EXOC1: variants seen among roughly 807,000 people sequenced by gnomAD.
EXOC1 encodes SEC3-like 1.
EXOC1 carries 67 observed loss-of-function variants against 107.7 expected under a neutral mutation model. The ratio of observed to expected loss-of-function variants is 0.62; its 90% CI spans 0.51 to 0.76. EXOC1 has a LOEUF of 0.76. EXOC1 is among the 30% of genes least tolerant of loss of function. EXOC1 has a pLI of 0.00. For missense variants in EXOC1, 833 were observed against 1,055.7 expected, an observed-to-expected ratio of 0.79 and a Z score of 2.92; for synonymous variants, 348 against 353.5, an observed-to-expected ratio of 0.98 and a Z score of 0.17.
rs1463817957 is a variant in EXOC1 at position 55,903,279 on chromosome 4, A to G, written c.2532+741A>G. On this transcript the variant is annotated intron_variant, in intron 18 of 18. Transcript: ENST00000381295. ...GTAGTGGAGCCAGATTTAAAGTCCA[A>G]ATTAGGCCATTATTCTTTATAAACC... is the stretch of plus-strand genomic sequence containing the variant. 2.0e-5 allele frequency among the ~76,000 whole-genome samples: 3 copies of G among 152,262 alleles called. No homozygotes were observed. The East Asian group carries it at 5.8e-4, about 29-fold the overall frequency.
chr4:55,871,366 C>G, intron 7 of EXOC1, 133 bp downstream of exon 7: 1 of 1,158,220 alleles, frequency 8.6e-7, no homozygotes, highest in Non-Finnish European at 1.2e-6. Flanking sequence ...TCAAGTTTCA[C>G]TGATTTCCCA....
Position 55,904,770 on chromosome 4 carries a change from C to T in EXOC1, c.*275C>T, listed in dbSNP as rs929902868. 1.2e-5 allele frequency: 3 copies of T among 254,100 alleles called. No homozygotes were observed. The highest frequency in any genetic ancestry group is 6.7e-5 in the African/African-American group (3 of 45,050). The allele number at this position is 254,100 out of a possible 1,614,324, so 15.7% of individuals were successfully genotyped here. ...TCTCAATGACTGGATGGGAAATTTT[C>T]CTTTATTGCCTAGCTGCTTGTGTTT... On this transcript the variant is annotated 3_prime_UTR_variant, in exon 19 of 19. Transcript: ENST00000381295.
intron 15 of EXOC1, among the ~76,000 whole-genome samples, chr4:55,894,150 C>T (rs1724908785): frequency 6.6e-6 from 1 of 152,038 alleles, no homozygotes; most frequent in South Asian, 2.1e-4. Flanking sequence ...CATGGCGAAA[C>T]CCCATCTCTA....
intron 8 of EXOC1, among the ~76,000 whole-genome samples, chr4:55,872,522 T>C (rs1307399336): frequency 6.6e-6 from 1 of 152,038 alleles, no homozygotes; most frequent in Non-Finnish European, 1.5e-5. Flanking sequence ...TAAGAGTACC[T>C]TTGAGGGATT....
rs749247741 is a variant in EXOC1, at chr4:55,860,470, G to T, written c.184G>T (p.Asp62Tyr). ...VVKVKKSDKG[D>Y]FYKRQIAWAL... ...CAAAGTCAAGAAATCCGATAAGGGA[G>T]ATTTCTACAAAAGGCAGATTGCATG... is the stretch of plus-strand genomic sequence containing the variant. Residue 62 changes from aspartate (D) to tyrosine (Y), a missense_variant, in exon 3 of 19, where the codon GAT (aspartate) becomes TAT (tyrosine). Physicochemically the swap from Asp to Tyr is radical, Grantham distance 160 (BLOSUM62 -3). Around this residue, in one of 2 missense-constraint regions of EXOC1, gnomAD observed 617 missense variants for 701.3 expected, o/e 0.88. Coordinates refer to ENST00000381295, the MANE Select transcript of EXOC1 (RefSeq NM_001024924.2). 3 of 1,613,968 alleles carry T rather than the reference G, an allele frequency of 1.9e-6. No homozygotes were observed.
intron 13 of EXOC1, 151 bp downstream of exon 13, chr4:55,891,573 G>A: frequency 3.5e-6 from 2 of 570,536 alleles, no homozygotes; most frequent in South Asian, 5.3e-5. Flanking sequence ...AGGATGTAAG[G>A]AATTTTTGTA....
intron 11 of EXOC1, among the ~76,000 whole-genome samples, chr4:55,889,946 G>T (rs1270172998): frequency 6.6e-6 from 1 of 152,136 alleles, no homozygotes; most frequent in East Asian, 1.9e-4. Flanking sequence ...TATGAAATGG[G>T]CAGGTTATAG....
chr4:55,883,560 T>G (rs970656133), intron 9 of EXOC1: 10 of 275,692 alleles, frequency 3.6e-5, no homozygotes, highest in Non-Finnish European at 6.8e-5. Flanking sequence ...ACAGTGATAT[T>G]TAAAATATGC....
intron 1 of EXOC1, among the ~76,000 whole-genome samples, chr4:55,855,095 C>T (rs903569515): frequency 5.3e-5 from 8 of 152,084 alleles, no homozygotes; most frequent in African/African-American, 9.7e-5. Context: ...ATTTGATGTC[C>T]AAAATGAACA....
At chr4:55,881,980 T>A (rs1723424966) in intron 9 of EXOC1, among the ~76,000 whole-genome samples, 1 of 152,052 alleles carries the variant, frequency 6.6e-6, no homozygotes, top group Admixed American at 6.6e-5. Flanking sequence ...AAAGGCAGAT[T>A]TAATCAGCCA....
intron 14 of EXOC1, 30 bp from the exon 15 acceptor site, chr4:55,893,522 C>A: frequency 6.3e-7 from 1 of 1,594,980 alleles, no homozygotes; most frequent in Non-Finnish European, 8.6e-7. Context: ...CTTGTTATAA[C>A]TTTATACTTC....
intron 10 of EXOC1, among the ~76,000 whole-genome samples, chr4:55,888,298 T>C (rs944738322): frequency 2.0e-5 from 3 of 152,220 alleles, no homozygotes; most frequent in African/African-American, 4.8e-5. Flanking sequence ...TGTTATGATA[T>C]ATATCTTTCA....
At chr4:55,879,761 G>C (rs1723213568) in intron 9 of EXOC1, among the ~76,000 whole-genome samples, 1 of 152,152 alleles carries the variant, frequency 6.6e-6, no homozygotes, top group Admixed American at 6.5e-5. Flanking sequence ...TAGTATTCTA[G>C]ATAGTCCTGG....
At chr4:55,868,054 T>C (rs1722111218) in intron 4 of EXOC1, among the ~76,000 whole-genome samples, 1 of 152,346 alleles carries the variant, frequency 6.6e-6, no homozygotes, top group South Asian at 2.1e-4. Context: ...CATTTTAGCT[T>C]AATTGTATTT....
At chr4:55,873,019 T>C (rs886696904) in intron 8 of EXOC1, among the ~76,000 whole-genome samples, 1 of 152,104 alleles carries the variant, frequency 6.6e-6, no homozygotes, top group Non-Finnish European at 1.5e-5. Flanking sequence ...TGCTTTTCTT[T>C]CTGTCATTTT....
Position 55,871,829 on chromosome 4 carries a change from A to G in EXOC1, c.965-20A>G. 6.2e-7 allele frequency: 1 copy of G among 1,608,988 alleles called. No individual in the cohort carries two copies. The highest frequency in any genetic ancestry group is 8.5e-7 in the Non-Finnish European group (1 of 1,176,972). On this transcript the variant is annotated intron_variant, in intron 7 of 18. Coordinates refer to ENST00000381295, the MANE Select transcript of EXOC1 (RefSeq NM_001024924.2). ...TCTTTTTACCCATTAAACTGGTCAC[A>G]AAATGTCGTTCTGTGTCAGGCCATG...
chr4:55,900,888 A>C (rs1725822864), intron 17 of EXOC1, among the ~76,000 whole-genome samples: 1 of 151,656 alleles, frequency 6.6e-6, no homozygotes, highest in Non-Finnish European at 1.5e-5. Flanking sequence ...AAAACAAAAC[A>C]AAAAAAAAGA....
chr4:55,869,561 T>G (rs1722245300), intron 5 of EXOC1, among the ~76,000 whole-genome samples: 1 of 152,168 alleles, frequency 6.6e-6, no homozygotes, highest in Non-Finnish European at 1.5e-5. Flanking sequence ...GGGGTCTGAC[T>G]CAGGCCCAGA....
chr4:55,864,298 T>C lies in EXOC1; in HGVS notation c.327T>C (p.Asn109=). ...TTGCCAGCAGCACTGCTGAAAAGAA[T>C]GCATTTATTTCATGCATTTGGAAAT... The part of the protein sequence containing the change: ...KWVASSTAEK[N]AFISCIWKLN... Residue 109 remains asparagine, a synonymous_variant, in exon 4 of 19, where the codon AAT becomes AAC. Coordinates refer to ENST00000381295, the MANE Select transcript of EXOC1 (RefSeq NM_001024924.2). The C allele has an allele frequency of 6.2e-7, 1 of 1,610,492 alleles. No individual in the cohort carries two copies. Among genetic ancestry groups the C allele is most frequent in the Non-Finnish European group, 8.5e-7 (1 of 1,178,218 alleles).
Sources: gnomAD v4.1 joint callset for allele counts (sites outside exome capture counted in the v4.1 genomes callset) on GRCh38, gnomAD v4.1.1 for gene constraint, gnomAD v4.1.1 regional missense constraint, MANE v1.5 for transcripts, NCBI Gene and HGNC (gene_info 2026-07-23, HGNC 2026-07-21) for gene names.